The following GRAMD1B variants were observed in gnomAD, a reference collection of about 807,000 sequenced individuals.
The protein encoded by GRAMD1B is GRAM domain containing 1B, also known as protein Aster-B.
GRAMD1B carries 37 observed loss-of-function variants against 99.7 expected under a neutral mutation model. That is an observed-to-expected ratio of 0.37 (90% CI 0.29 to 0.49). The LOEUF is 0.49. Among genes scored for constraint, GRAMD1B ranks in the 20% least tolerant of loss-of-function variants. The probability of loss-of-function intolerance (pLI) is 0.98; values close to 1 mark genes in which losing one functional copy is unlikely to be tolerated. For missense variants in GRAMD1B, 888 were observed against 1,009.2 expected, an observed-to-expected ratio of 0.88 and a Z score of 1.63; for synonymous variants, 427 against 387.6, an observed-to-expected ratio of 1.10 and a Z score of -1.19.
chr11:123,390,150 A>G (rs1394221441), intron 1 of GRAMD1B, among the ~76,000 whole-genome samples: 17 of 151,802 alleles, frequency 1.1e-4, no homozygotes, highest in Admixed American at 3.3e-4. Flanking sequence ...AAAAAAAAAA[A>G]AGAGAGAGAG....
chr11:123,364,852 AT>A (rs1328982657), intron 1 of GRAMD1B, among the ~76,000 whole-genome samples: 4 of 149,362 alleles, frequency 2.7e-5, no homozygotes, highest in African/African-American at 1.0e-4. Context: ...CAAAAAAAAA[AT>A]TTGCAAAATG....
chr11:123,624,264 A>G lies in GRAMD1B; in HGVS notation c.*1669A>G, dbSNP rs1219902237. Reference sequence around the variant, plus strand: ...AGCCCAAAAGACAGAAGATTTTATCACTCATCTACCCCAAAGATAAAGTTG... The same window carrying G: ...AGCCCAAAAGACAGAAGATTTTATCGCTCATCTACCCCAAAGATAAAGTTG... On this transcript the variant is annotated 3_prime_UTR_variant, in exon 20 of 20. Transcript: ENST00000635736. 4 of 152,218 alleles carry G rather than the reference A, an allele frequency of 2.6e-5. No individual in the cohort carries two copies. In the East Asian group the frequency reaches 5.8e-4, roughly 22 times the overall value. 9.4% of individuals were successfully genotyped at this position (152,218 alleles called of 1,614,324 possible).
intron 2 of GRAMD1B, among the ~76,000 whole-genome samples, chr11:123,548,325 T>TATATATATATATATATGCAC (rs1555067740): frequency 3.5e-5 from 3 of 86,842 alleles, no homozygotes; most frequent in Non-Finnish European, 6.3e-5. Context: ...TATATATATA[T>TATATATATATATATATGCAC]ACACACACAC....
At chr11:123,440,998 ATG>A (rs748049249) in intron 1 of GRAMD1B, among the ~76,000 whole-genome samples, 2 of 152,166 alleles carry the variant, frequency 1.3e-5, no homozygotes, top group Admixed American at 6.5e-5. Context: ...GTCTGCCACC[ATG>A]TGAGATGTGC....
chr11:123,397,722 T>C lies in GRAMD1B; in HGVS notation c.-176+38923T>C, dbSNP rs114715678. Reference sequence around the variant, plus strand: ...CAGAGTCTTGCTATGTAGCCCAGGCTGGTCTCGAACTCCTGGGCTCAGGCA... The same window carrying C: ...CAGAGTCTTGCTATGTAGCCCAGGCCGGTCTCGAACTCCTGGGCTCAGGCA... On this transcript the variant is annotated intron_variant, in intron 1 of 20. Transcript: ENST00000638157. Among the ~76,000 whole-genome samples the C allele has an allele frequency of 8.0e-3, 1,219 of 152,292 alleles. 15 individuals are homozygous for C. The highest frequency in any genetic ancestry group is 0.028 in the African/African-American group (1,162 of 41,560).
chr11:123,367,819 G>T (rs890380911), intron 1 of GRAMD1B, among the ~76,000 whole-genome samples: 1 of 152,124 alleles, frequency 6.6e-6, no homozygotes, highest in African/African-American at 2.4e-5. Context: ...TGCCATGAAG[G>T]GGGTTGCTGA....
In GRAMD1B at chr11:123,622,655, A is replaced by AT; in HGVS notation, c.*60_*61insT. The AT allele has an allele frequency of 2.3e-6, 1 of 427,044 alleles. No individual in the cohort carries two copies. Among genetic ancestry groups the AT allele is most frequent in the Non-Finnish European group, 4.2e-6 (1 of 240,434 alleles). The allele number at this position is 427,044 out of a possible 1,614,324, so 26.5% of individuals were successfully genotyped here. On this transcript the variant is annotated 3_prime_UTR_variant, in exon 20 of 20. Coordinates refer to ENST00000635736, the MANE Select transcript of GRAMD1B (RefSeq NM_001387025.1). ...GCAATACATGTACATAGACCATATA[A>AT]ATATATATATATAAATATATATATA...
chr11:123,365,434 T>C (rs941104085), intron 1 of GRAMD1B, among the ~76,000 whole-genome samples: 1 of 152,202 alleles, frequency 6.6e-6, no homozygotes, highest in African/African-American at 2.4e-5. Flanking sequence ...GTATTTTTAG[T>C]AGAGACGGGG....
At chr11:123,391,010 C>T (rs1049892107) in intron 1 of GRAMD1B, among the ~76,000 whole-genome samples, 3 of 152,092 alleles carry the variant, frequency 2.0e-5, no homozygotes, top group South Asian at 2.1e-4. Flanking sequence ...TGAGTGTTAC[C>T]GGAGGGACGC....
At chr11:123,405,575 G>C (rs139163258) in intron 1 of GRAMD1B, among the ~76,000 whole-genome samples, 3 of 152,306 alleles carry the variant, frequency 2.0e-5, no homozygotes, top group Admixed American at 6.5e-5. Flanking sequence ...CTGGAAATGA[G>C]AGTTGCTTGG....
chr11:123,403,451 A>ATG lies in GRAMD1B; in HGVS notation c.-176+44652_-176+44653insTG, dbSNP rs1565476644. On this transcript the variant is annotated intron_variant, in intron 1 of 20. Transcript: ENST00000638157. ...TCAAAATAATGATGATGATGATGAT[A>ATG]ATAATAATAATAATAATAATAATAA... 5.9e-3 allele frequency among the ~76,000 whole-genome samples: 278 copies of ATG among 47,184 alleles called. 1 individual carries two copies. Among genetic ancestry groups the ATG allele is most frequent in the African/African-American group, 0.03 (262 of 8,732 alleles). 31.0% of individuals were successfully genotyped at this position (47,184 alleles called of 152,430 possible).
intron 17 of GRAMD1B, 82 bp downstream of exon 17, chr11:123,614,917 A>G (rs1954141904): frequency 2.7e-6 from 2 of 747,598 alleles, no homozygotes; most frequent in Non-Finnish European, 2.3e-6. Flanking sequence ...CTCTTGAAGC[A>G]TCTGAGCACC....
chr11:123,573,143 G>A (rs1455177366), intron 2 of GRAMD1B, among the ~76,000 whole-genome samples: 7 of 151,086 alleles, frequency 4.6e-5, no homozygotes, highest in East Asian at 2.0e-4. Context: ...GGGCAGGGGC[G>A]CAGGTAGGCC....
chr11:123,483,385 C>G (rs77730730), intron 2 of GRAMD1B, among the ~76,000 whole-genome samples: 1 of 145,508 alleles, frequency 6.9e-6, no homozygotes, highest in East Asian at 2.0e-4. Context: ...ATTTTCTTTT[C>G]TTTTTCTTTT....
At position 123,587,070 on chromosome 11, in the gene GRAMD1B, C is replaced by T. The variant is rs920688318; in HGVS notation, c.684+2738C>T. On this transcript the variant is annotated intron_variant, in intron 4 of 19. Transcript: ENST00000635736. The surrounding 1 kb of genome is among the most constrained non-coding windows in gnomAD (Gnocchi z 4.2). ...AGCAGCCTGGGTCTGGTGGGAAAAG[C>T]CCAGCCACCAACCAGTCCATGCCCC... is the stretch of plus-strand genomic sequence containing the variant. Among the ~76,000 whole-genome samples the T allele has an allele frequency of 1.3e-5, 2 of 152,196 alleles. No homozygotes were observed. Among genetic ancestry groups the T allele is most frequent in the African/African-American group, 4.8e-5 (2 of 41,450 alleles).
At chr11:123,400,716 C>A (rs563718593) in intron 1 of GRAMD1B, among the ~76,000 whole-genome samples, 1 of 152,274 alleles carries the variant, frequency 6.6e-6, no homozygotes, top group East Asian at 1.9e-4. Flanking sequence ...AAAGGACTCA[C>A]CTCCTAATTC....
intron 1 of GRAMD1B, among the ~76,000 whole-genome samples, chr11:123,419,444 A>G (rs1371393298): frequency 6.6e-6 from 1 of 152,202 alleles, no homozygotes; most frequent in Non-Finnish European, 1.5e-5. Flanking sequence ...AGCCTGGGCA[A>G]CATAGCCAGA....
chr11:123,449,856 G>A (rs1012486573), intron 1 of GRAMD1B, among the ~76,000 whole-genome samples: 1 of 151,860 alleles, frequency 6.6e-6, no homozygotes, highest in Non-Finnish European at 1.5e-5. Context: ...GAGTAGCTGG[G>A]GTTTACAGGC....
intron 1 of GRAMD1B, among the ~76,000 whole-genome samples, chr11:123,476,220 C>A (rs1202704053): frequency 6.6e-6 from 1 of 152,068 alleles, no homozygotes; most frequent in Non-Finnish European, 1.5e-5. Flanking sequence ...CCTGCCTCAA[C>A]TTCCCGAGTA....
Sources: allele counts gnomAD v4.1 joint callset (sites outside exome capture counted in the v4.1 genomes callset), GRCh38; gene constraint gnomAD v4.1.1; non-coding constraint Gnocchi (gnomAD v3.1); transcripts MANE v1.5; gene names NCBI Gene and HGNC (gene_info 2026-07-23, HGNC 2026-07-21).